The following RBFOX1 variants were observed in gnomAD, a reference collection of about 807,000 sequenced individuals.
RBFOX1 encodes RNA binding fox-1 homolog 1, also known as RNA binding protein fox-1 homolog 1.
Under a neutral mutation model 57.7 loss-of-function variants are expected in RBFOX1, and 8 were observed. That is an observed-to-expected ratio of 0.14 (90% CI 0.08 to 0.25). RBFOX1 has a LOEUF of 0.25. Ranked by LOEUF, RBFOX1 falls within the 10% of genes least tolerant of loss-of-function variation. The pLI, the probability that RBFOX1 is intolerant of heterozygous loss-of-function variation, is 1.00. For missense variants in RBFOX1, 611 were observed against 548.5 expected, an observed-to-expected ratio of 1.11 and a Z score of -1.14; for synonymous variants, 326 against 222.4, an observed-to-expected ratio of 1.47 and a Z score of -4.15.
At chr16:7,416,929 T>C (rs1173526180) in intron 4 of RBFOX1, among the ~76,000 whole-genome samples, 1 of 152,154 alleles carries the variant, frequency 6.6e-6, no homozygotes, top group Non-Finnish European at 1.5e-5. Flanking sequence ...AGCAGAAAAC[T>C]GGGGCTTAGA....
intron 4 of RBFOX1, among the ~76,000 whole-genome samples, chr16:7,359,705 C>T (rs1048631306): frequency 1.3e-5 from 2 of 152,142 alleles, no homozygotes; most frequent in African/African-American, 4.8e-5. Context: ...CCACTCTGGA[C>T]CTGGCATGGT....
At position 6,852,668 on chromosome 16, in the gene RBFOX1, A is replaced by C. The variant is rs188968448; in HGVS notation, c.-16+198018A>C. The stretch of plus-strand genomic sequence containing the variant: ...ATGCTGGGAACTAGCTGTCCAGGTA[A>C]GGTGCTTGCCTAGGTGAGGTGCATG... On this transcript the variant is annotated intron_variant, in intron 3 of 15. Coordinates refer to ENST00000550418, the MANE Select transcript of RBFOX1 (RefSeq NM_018723.4). 6.4e-4 allele frequency among the ~76,000 whole-genome samples: 97 copies of C among 152,082 alleles called. 4 individuals carry two copies. In the East Asian group the frequency reaches 0.018, roughly 28 times the overall value.
At chr16:7,651,823 T>A (rs2065125580) in intron 11 of RBFOX1, among the ~76,000 whole-genome samples, 1 of 152,224 alleles carries the variant, frequency 6.6e-6, no homozygotes, top group Non-Finnish European at 1.5e-5. Context: ...GACAGGGACT[T>A]ACCAAATGCA....
At chr16:7,311,447 G>T (rs928046303) in intron 4 of RBFOX1, among the ~76,000 whole-genome samples, 1 of 148,598 alleles carries the variant, frequency 6.7e-6, no homozygotes, top group African/African-American at 2.5e-5. Flanking sequence ...ATGAGTAAAT[G>T]CATAAAAGGT....
intron 2 of RBFOX1, among the ~76,000 whole-genome samples, chr16:5,597,859 A>C (rs1229491337): frequency 3.3e-5 from 5 of 152,190 alleles, no homozygotes; most frequent in African/African-American, 1.2e-4. Context: ...GTTCAAGCTG[A>C]GGCTCCACTG....
At chr16:7,488,594 C>G (rs1190538387) in intron 4 of RBFOX1, among the ~76,000 whole-genome samples, 1 of 152,110 alleles carries the variant, frequency 6.6e-6, no homozygotes, top group African/African-American at 2.4e-5. Context: ...CATCGTCTAT[C>G]TATACGTTCA....
intron 10 of RBFOX1, among the ~76,000 whole-genome samples, chr16:7,620,998 T>C (rs1161072482): frequency 6.6e-6 from 1 of 152,028 alleles, no homozygotes; most frequent in South Asian, 2.1e-4. Flanking sequence ...GTCAGCACCA[T>C]CTGCATCCCC....
At chr16:7,561,028 C>T (rs962139966) in intron 5 of RBFOX1, among the ~76,000 whole-genome samples, 2 of 152,328 alleles carry the variant, frequency 1.3e-5, no homozygotes, top group South Asian at 4.1e-4. Flanking sequence ...GAGCTCCCTA[C>T]TGGTTCAGGT....
intron 3 of RBFOX1, among the ~76,000 whole-genome samples, chr16:6,825,757 C>A (rs192904538): frequency 1.3e-5 from 2 of 152,172 alleles, no homozygotes; most frequent in Admixed American, 6.5e-5. Context: ...ACACGTGTAA[C>A]GGGGTCCTGA....
intron 3 of RBFOX1, among the ~76,000 whole-genome samples, chr16:6,718,158 C>T (rs577421231): frequency 6.6e-6 from 1 of 152,152 alleles, no homozygotes; most frequent in Non-Finnish European, 1.5e-5. Flanking sequence ...AAAGATGTCC[C>T]CATCTTTTGC....
chr16:6,949,761 A>G (rs1047891824), intron 3 of RBFOX1, among the ~76,000 whole-genome samples: 1 of 152,024 alleles, frequency 6.6e-6, no homozygotes, highest in Non-Finnish European at 1.5e-5. Context: ...TTGAAGGGAC[A>G]CAATTCGGTT....
intron 3 of RBFOX1, among the ~76,000 whole-genome samples, chr16:5,723,288 G>A (rs182619334): frequency 2.9e-4 from 44 of 152,318 alleles, no homozygotes; most frequent in Admixed American, 1.2e-3. Flanking sequence ...TTTCTCATTC[G>A]TCTGCCATTG....
rs537795588 is a variant in RBFOX1, at chr16:7,411,137, G to C, written c.28-107010G>C. Among the ~76,000 whole-genome samples the C allele has an allele frequency of 4.5e-4, 68 of 152,058 alleles. No individual in the cohort carries two copies. In the South Asian group the frequency reaches 0.014, roughly 31 times the overall value. On this transcript the variant is annotated intron_variant, in intron 4 of 15. Coordinates refer to ENST00000550418, the MANE Select transcript of RBFOX1 (RefSeq NM_018723.4). ...ATTTTTGTATTTTTAGTAGAGACGG[G>C]GTTTTGTCATGTTGGCCAGGTTGGT... is the stretch of plus-strand genomic sequence containing the variant.
chr16:5,710,263 A>T (rs928987873), intron 3 of RBFOX1, among the ~76,000 whole-genome samples: 14 of 152,274 alleles, frequency 9.2e-5, no homozygotes, highest in African/African-American at 3.4e-4. Flanking sequence ...AGGTAACCCA[A>T]TGTCACACAG....
chr16:5,940,377 C>G (rs2059255129), intron 4 of RBFOX1, among the ~76,000 whole-genome samples: 1 of 152,182 alleles, frequency 6.6e-6, no homozygotes, highest in African/African-American at 2.4e-5. Flanking sequence ...TGTTCACGTT[C>G]TCATTTGATC....
intron 2 of RBFOX1, among the ~76,000 whole-genome samples, chr16:5,509,200 G>A (rs998550090): frequency 1.3e-5 from 2 of 152,226 alleles, no homozygotes; most frequent in Non-Finnish European, 1.5e-5. Flanking sequence ...ATGCAGGGTG[G>A]TGCAAGAGCA....
chr16:6,481,188 C>G (rs1262135788), intron 2 of RBFOX1, among the ~76,000 whole-genome samples: 2 of 152,154 alleles, frequency 1.3e-5, no homozygotes, highest in African/African-American at 4.8e-5. Context: ...GGTTGCATCC[C>G]TTCCTGTTTT....
chr16:6,745,328 A>G (rs2073321020), intron 3 of RBFOX1, among the ~76,000 whole-genome samples: 1 of 152,084 alleles, frequency 6.6e-6, no homozygotes. Context: ...TACCAAAACC[A>G]GGAAAAAATT....
At chr16:5,397,599 A>G (rs1470937732) in intron 1 of RBFOX1, among the ~76,000 whole-genome samples, 2 of 152,216 alleles carry the variant, frequency 1.3e-5, no homozygotes, top group Non-Finnish European at 2.9e-5. Flanking sequence ...TAGGAGCACA[A>G]AAGACTCAAT....
Sources: gnomAD v4.1 joint callset for allele counts (sites outside exome capture counted in the v4.1 genomes callset) on GRCh38, gnomAD v4.1.1 for gene constraint, MANE v1.5 for transcripts, NCBI Gene and HGNC (gene_info 2026-07-23, HGNC 2026-07-21) for gene names.